The following ARK2N variants were observed in gnomAD, a reference collection of about 807,000 sequenced individuals.
The protein encoded by ARK2N is protein ARK2N.
At chr18:46,182,718 T>A in the ARK2N span, among the ~76,000 whole-genome samples, 1 of 147,010 alleles carries the variant, frequency 6.8e-6, no homozygotes, top group Non-Finnish European at 1.5e-5. Context: ...TTTGATAACT[T>A]CTTTGGCTTC....
At chr18:46,186,158 T>G in the ARK2N span, among the ~76,000 whole-genome samples, 1 of 151,992 alleles carries the variant, frequency 6.6e-6, no homozygotes, top group Non-Finnish European at 1.5e-5. Flanking sequence ...TTTAAAAGTT[T>G]ATGGAGAGTG....
chr18:46,249,524 G>T, the ARK2N span, among the ~76,000 whole-genome samples: 1 of 152,084 alleles, frequency 6.6e-6, no homozygotes, highest in African/African-American at 2.4e-5. Context: ...GAGCCACCAC[G>T]CCCGGCCTTG....
the ARK2N span, among the ~76,000 whole-genome samples, chr18:46,176,596 A>G: frequency 3.3e-5 from 5 of 151,606 alleles, no homozygotes; most frequent in African/African-American, 1.2e-4. Context: ...CTGAGACCAC[A>G]GGCTCACGCC....
chr18:46,206,856 G>A, the ARK2N span, among the ~76,000 whole-genome samples: 108,112 of 151,808 alleles, frequency 0.71, 38,713 homozygotes, highest in Middle Eastern at 0.76. Context: ...AGCTCACTGC[G>A]GTCTTGACCT....
At chr18:46,240,832 C>G in the ARK2N span, among the ~76,000 whole-genome samples, 1 of 152,196 alleles carries the variant, frequency 6.6e-6, no homozygotes, top group Non-Finnish European at 1.5e-5. Flanking sequence ...GAAAAACTTT[C>G]ACAATACCTC....
the ARK2N span, among the ~76,000 whole-genome samples, chr18:46,255,445 C>T: frequency 3.9e-5 from 3 of 77,726 alleles, no homozygotes; most frequent in African/African-American, 1.2e-4. Flanking sequence ...CTTTTCTTTT[C>T]TTTTTTTTTT....
the ARK2N span, among the ~76,000 whole-genome samples, chr18:46,234,216 G>C: frequency 6.6e-6 from 1 of 151,962 alleles, no homozygotes; most frequent in African/African-American, 2.4e-5. Context: ...TTTCTTTTTT[G>C]AGATGGAGTC....
the ARK2N span, among the ~76,000 whole-genome samples, chr18:46,201,782 T>TTC: frequency 0.016 from 2,341 of 148,730 alleles, 52 homozygotes; most frequent in African/African-American, 0.054. Flanking sequence ...TTCTTTTCTT[T>TTC]TTTTTTTTTT....
chr18:46,190,378 G>C, the ARK2N span, among the ~76,000 whole-genome samples: 1 of 67,390 alleles, frequency 1.5e-5, no homozygotes, highest in African/African-American at 4.9e-5. Flanking sequence ...AAATTAGCCA[G>C]GCGTGGTGGC....
chr18:46,202,801 T>TAAAAAAAAA, the ARK2N span, among the ~76,000 whole-genome samples: 3 of 100,250 alleles, frequency 3.0e-5, 1 homozygote, highest in African/African-American at 7.9e-5. Context: ...AAAATAAAAA[T>TAAAAAAAAA]TAAAAAAAAA....
chr18:46,192,136 T>G, the ARK2N span, among the ~76,000 whole-genome samples: 1 of 152,228 alleles, frequency 6.6e-6, no homozygotes, highest in African/African-American at 2.4e-5. Flanking sequence ...TTTTTCAGCA[T>G]TTTTGACTGA....
the ARK2N span, among the ~76,000 whole-genome samples, chr18:46,202,692 G>A: frequency 6.6e-6 from 1 of 151,662 alleles, no homozygotes. Context: ...GAAGGCTGAA[G>A]GAGGAGAATC....
chr18:46,186,356 C>A, the ARK2N span, among the ~76,000 whole-genome samples: 14 of 151,852 alleles, frequency 9.2e-5, no homozygotes, highest in South Asian at 2.3e-3. Context: ...CCACTATGCC[C>A]ACCTAATTTT....
At chr18:46,218,616 T>A in the ARK2N span, 2 of 152,218 alleles carry the variant, frequency 1.3e-5, no homozygotes, top group African/African-American at 4.8e-5. Context: ...TTCATTTCAA[T>A]TGTCCATATT....
At chr18:46,208,382 T>G in the ARK2N span, among the ~76,000 whole-genome samples, 4 of 152,028 alleles carry the variant, frequency 2.6e-5, no homozygotes, top group African/African-American at 9.7e-5. Flanking sequence ...ATATTTTTTG[T>G]GTTAAGGTCT....
At chr18:46,252,739 T>G in the ARK2N span, among the ~76,000 whole-genome samples, 8 of 152,310 alleles carry the variant, frequency 5.3e-5, no homozygotes, top group Admixed American at 3.9e-4. Context: ...AACTCCTAGG[T>G]ATTCTAAAAT....
chr18:46,248,863 G>C, the ARK2N span, among the ~76,000 whole-genome samples: 1 of 152,032 alleles, frequency 6.6e-6, no homozygotes, highest in African/African-American at 2.4e-5. Flanking sequence ...GATTACAGGC[G>C]TGAGCCACTG....
the ARK2N span, among the ~76,000 whole-genome samples, chr18:46,209,704 T>C: frequency 6.6e-6 from 1 of 152,180 alleles, no homozygotes; most frequent in Non-Finnish European, 1.5e-5. Flanking sequence ...CAAGTGATTC[T>C]TCTGCCTCAG....
At chr18:46,185,661 CT>C in the ARK2N span, among the ~76,000 whole-genome samples, 1 of 152,186 alleles carries the variant, frequency 6.6e-6, no homozygotes, top group Non-Finnish European at 1.5e-5. Context: ...GTTTTCCAGT[CT>C]GCATATTCCC....
Sources: allele counts gnomAD v4.1 joint callset (sites outside exome capture counted in the v4.1 genomes callset), GRCh38; gene constraint gnomAD v4.1.1; transcripts MANE v1.5; gene names NCBI Gene and HGNC (gene_info 2026-07-23, HGNC 2026-07-21).